MFSD8: variants seen among roughly 807,000 people sequenced by gnomAD.
The protein encoded by MFSD8 is major facilitator superfamily domain-containing protein 8.
In MFSD8, 55 loss-of-function variants were observed where a neutral mutation model predicts 66.4. That is an observed-to-expected ratio of 0.83 (90% CI 0.67 to 1.04). The LOEUF is 1.04. Ranked by LOEUF, MFSD8 falls within the 50% of genes least tolerant of loss-of-function variation. The pLI is 0.00. For synonymous variants in MFSD8, 202 were observed against 212.8 expected (o/e 0.95, Z 0.44); for missense variants, 550 against 627.6 (o/e 0.88, Z 1.32).
chr4:127,949,536 T>C (rs1417653248), intron 3 of MFSD8, among the ~76,000 whole-genome samples: 1 of 152,234 alleles, frequency 6.6e-6, no homozygotes, highest in Non-Finnish European at 1.5e-5. Flanking sequence ...TCTGAGTAGG[T>C]GACCATACAT....
At chr4:127,951,790 G>A (rs1401013350) in intron 2 of MFSD8, among the ~76,000 whole-genome samples, 1 of 148,914 alleles carries the variant, frequency 6.7e-6, no homozygotes, top group Non-Finnish European at 1.5e-5. Context: ...GTGCAGTGGC[G>A]CAATCTCGGC....
intron 9 of MFSD8, among the ~76,000 whole-genome samples, chr4:127,923,549 T>G (rs919107443): frequency 9.1e-5 from 10 of 109,692 alleles, no homozygotes; most frequent in African/African-American, 4.1e-4. Flanking sequence ...TTTTTTATTT[T>G]TATTTATTAT....
intron 5 of MFSD8, among the ~76,000 whole-genome samples, chr4:127,940,322 GA>G (rs1268994442): frequency 2.0e-5 from 3 of 151,778 alleles, no homozygotes; most frequent in African/African-American, 7.3e-5. Flanking sequence ...AAAAGGTTGT[GA>G]AACACTGATT....
chr4:127,923,579 AT>A (rs1373019205), intron 9 of MFSD8, among the ~76,000 whole-genome samples: 7 of 144,936 alleles, frequency 4.8e-5, no homozygotes, highest in Non-Finnish European at 9.0e-5. Context: ...TATTATTATT[AT>A]TATTATTATT....
Position 127,943,937 on chromosome 4 carries a change from A to G in MFSD8, c.254T>C (p.Leu85Pro). 1 of 1,614,206 alleles carries G rather than the reference A, an allele frequency of 6.2e-7. No individual in the cohort carries two copies. Among genetic ancestry groups the G allele is most frequent in the Non-Finnish European group, 8.5e-7 (1 of 1,180,034 alleles). The change falls in exon 4 of 12, where the codon CTT becomes CCT. Residue 85 changes from leucine to proline, a missense_variant. Leu to Pro is a moderately conservative substitution (Grantham distance 98). Transcript: ENST00000641686. ...TATAGGTGAAGCTACCATTTGGCCA[A>G]GACTATATGAAGCAATAACCCAGCC... Reference protein sequence around the residue: ...FLGWVIASYSLGQMVASPIFG... With the variant: ...FLGWVIASYSPGQMVASPIFG...
At chr4:127,944,061 A>G in intron 3 of MFSD8, 69 bp from the exon 4 acceptor site, 1 of 1,594,842 alleles carries the variant, frequency 6.3e-7, no homozygotes, top group Non-Finnish European at 8.6e-7. Context: ...TACATTTGTC[A>G]TACCATGTAA....
intron 1 of MFSD8, among the ~76,000 whole-genome samples, chr4:127,960,367 TAAAAATAC>T (rs1483834419): frequency 2.0e-5 from 3 of 152,002 alleles, no homozygotes; most frequent in Admixed American, 2.0e-4. Context: ...CTGTCTCTAC[TAAAAATAC>T]AAAAATTAGC....
At chr4:127,927,375 C>G (rs1413759149) in intron 9 of MFSD8, among the ~76,000 whole-genome samples, 1 of 152,128 alleles carries the variant, frequency 6.6e-6, no homozygotes, top group African/African-American at 2.4e-5. Flanking sequence ...GGGGTTTCAC[C>G]ACGTTGGCCG....
At chr4:127,958,706 T>C (rs1238230835) in intron 1 of MFSD8, among the ~76,000 whole-genome samples, 1 of 152,102 alleles carries the variant, frequency 6.6e-6, no homozygotes, top group African/African-American at 2.4e-5. Context: ...GAAATCAATA[T>C]ACTAGAATTT....
chr4:127,957,222 CAA>C (rs1743034915), intron 2 of MFSD8, among the ~76,000 whole-genome samples: 1 of 151,882 alleles, frequency 6.6e-6, no homozygotes, highest in Non-Finnish European at 1.5e-5. Context: ...TTCCAAGAAA[CAA>C]AGTTTGCTAG....
intron 1 of MFSD8, among the ~76,000 whole-genome samples, chr4:127,962,571 C>T (rs1560783369): frequency 1.3e-5 from 2 of 150,380 alleles, no homozygotes; most frequent in South Asian, 2.1e-4. Context: ...ATATCAGCAT[C>T]GATATTCATT....
At chr4:127,936,132 T>C (rs1739037565) in intron 7 of MFSD8, among the ~76,000 whole-genome samples, 1 of 152,160 alleles carries the variant, frequency 6.6e-6, no homozygotes, top group Non-Finnish European at 1.5e-5. Flanking sequence ...TTTTTCTTTT[T>C]GAGACAGAGC....
rs550627957 is a variant in MFSD8, at chr4:127,965,161, G to T, written c.-28C>A. 2 of 1,613,414 alleles carry T rather than the reference G, an allele frequency of 1.2e-6. No homozygotes were observed. The highest frequency in any genetic ancestry group is 1.1e-5 in the South Asian group (1 of 90,980). On this transcript the variant is annotated 5_prime_UTR_variant, in exon 1 of 12. Coordinates refer to ENST00000641686, the MANE Select transcript of MFSD8 (RefSeq NM_001371596.2). Reference sequence around the variant, plus strand: ...TTACACTCCCTACAAGGCGTCTTGCGCCCAACTCTCGCGACACCTGCTTTC... The same window carrying T: ...TTACACTCCCTACAAGGCGTCTTGCTCCCAACTCTCGCGACACCTGCTTTC...
At chr4:127,947,020 T>C (rs913316221) in intron 3 of MFSD8, among the ~76,000 whole-genome samples, 8 of 151,718 alleles carry the variant, frequency 5.3e-5, no homozygotes, top group Non-Finnish European at 2.9e-5. Flanking sequence ...GGACACTCCA[T>C]ATTAAGGGCT....
intron 8 of MFSD8, chr4:127,932,731 C>T (rs1738364611): frequency 3.0e-6 from 1 of 337,610 alleles, no homozygotes; most frequent in South Asian, 3.4e-5. Flanking sequence ...TCATAAAACT[C>T]AGATGAAAGA....
chr4:127,943,042 C>T (rs1740459816), intron 4 of MFSD8, among the ~76,000 whole-genome samples: 1 of 152,054 alleles, frequency 6.6e-6, no homozygotes, highest in South Asian at 2.1e-4. Flanking sequence ...GATGGTGAAA[C>T]TGCGTCTCTA....
At chr4:127,938,697 A>G in intron 7 of MFSD8, 86 bp downstream of exon 7, 1 of 1,155,448 alleles carries the variant, frequency 8.7e-7, no homozygotes, top group Non-Finnish European at 1.3e-6. Flanking sequence ...CCTCAGAAGC[A>G]AAATCGAAGT....
intron 7 of MFSD8, among the ~76,000 whole-genome samples, chr4:127,933,980 T>C (rs897923039): frequency 6.6e-6 from 1 of 152,158 alleles, no homozygotes; most frequent in Non-Finnish European, 1.5e-5. Context: ...GTGGATTACA[T>C]GTGGATTACA....
intron 3 of MFSD8, among the ~76,000 whole-genome samples, chr4:127,949,229 G>A (rs1315201234): frequency 6.6e-6 from 1 of 152,124 alleles, no homozygotes; most frequent in Non-Finnish European, 1.5e-5. Flanking sequence ...CTGATTTTTA[G>A]TTAAGTTTCT....
Sources: gnomAD v4.1 joint callset for allele counts (sites outside exome capture counted in the v4.1 genomes callset) on GRCh38, gnomAD v4.1.1 for gene constraint, MANE v1.5 for transcripts, NCBI Gene and HGNC (gene_info 2026-07-23, HGNC 2026-07-21) for gene names.